GLIS1: variants seen among roughly 807,000 people sequenced by gnomAD.
GLIS1 encodes the protein zinc finger protein GLIS1.
GLIS1 carries 24 observed loss-of-function variants against 63.8 expected under a neutral mutation model. That is an observed-to-expected ratio of 0.38 (90% confidence interval 0.27 to 0.53). The LOEUF is 0.53. GLIS1 is among the 20% of genes least tolerant of loss of function. GLIS1 has a pLI of 0.85. For synonymous variants in GLIS1, 450 were observed against 482.5 expected, an observed-to-expected ratio of 0.93 and a Z score of 0.88; for missense variants, 1,036 against 1,074.1, an observed-to-expected ratio of 0.96 and a Z score of 0.50.
At chr1:53,686,402 C>T (rs1646337624) in intron 2 of GLIS1, among the ~76,000 whole-genome samples, 1 of 152,204 alleles carries the variant, frequency 6.6e-6, no homozygotes, top group Non-Finnish European at 1.5e-5. Context: ...TTGCTTTGTT[C>T]TCATCCGCAG....
At chr1:53,529,692 C>A (rs1487378216) in intron 5 of GLIS1, 99 bp downstream of exon 5, 1 of 1,245,418 alleles carries the variant, frequency 8.0e-7, no homozygotes, top group Non-Finnish European at 1.1e-6. Flanking sequence ...CCCCAAACAT[C>A]GGTGGGGCTA....
chr1:53,629,234 C>T (rs1645627011), intron 2 of GLIS1, among the ~76,000 whole-genome samples: 1 of 152,124 alleles, frequency 6.6e-6, no homozygotes, highest in African/African-American at 2.4e-5. Flanking sequence ...GCCTTTCTAC[C>T]CACTTTAACC....
chr1:53,621,754 C>T (rs533184086), intron 2 of GLIS1, among the ~76,000 whole-genome samples: 1 of 152,144 alleles, frequency 6.6e-6, no homozygotes, highest in African/African-American at 2.4e-5. Flanking sequence ...CTTCTTATTT[C>T]GTATTTGCTG....
Position 53,600,246 on chromosome 1 carries a change from A to G in GLIS1, c.292T>C (p.Ser98Pro). 8.1e-7 allele frequency: 1 copy of G among 1,232,120 alleles called. No individual in the cohort carries two copies. The highest frequency in any genetic ancestry group is 1.0e-6 in the Non-Finnish European group (1 of 987,964). The allele number at this position is 1,232,120 out of a possible 1,614,324, so 76.3% of individuals were successfully genotyped here. The change falls in exon 3 of 11, where the codon TCA becomes CCA. Residue 98 changes from serine (S) to proline (P), a missense_variant. Physicochemically the swap from Ser to Pro is moderately conservative, Grantham distance 74. Around this residue, in one of 3 missense-constraint regions of GLIS1, gnomAD observed 592 missense variants for 593.9 expected, o/e 1.00. Coordinates refer to ENST00000628545, the MANE Select transcript of GLIS1 (RefSeq NM_001367484.1). ...NGSYGHRTPG[S>P]EKSLLDLDLA... ...TCCAGGTCCAGCAGGCTCTTCTCTG[A>G]GCCCGGGGTACGGTGTCCGTAGCTC...
At chr1:53,530,004 C>T in intron 4 of GLIS1, 52 bp from the exon 5 acceptor site, 1 of 1,571,032 alleles carries the variant, frequency 6.4e-7, no homozygotes, top group Non-Finnish European at 8.7e-7. Flanking sequence ...CACCCCAACC[C>T]TGCATGGAAA....
intron 2 of GLIS1, among the ~76,000 whole-genome samples, chr1:53,602,731 G>T (rs1645330723): frequency 6.6e-6 from 1 of 152,170 alleles, no homozygotes; most frequent in Non-Finnish European, 1.5e-5. Context: ...TTGGGGGTCT[G>T]TAAGAAGCAG....
At chr1:53,685,667 T>C (rs1474570119) in intron 2 of GLIS1, among the ~76,000 whole-genome samples, 1 of 152,210 alleles carries the variant, frequency 6.6e-6, no homozygotes, top group Non-Finnish European at 1.5e-5. Flanking sequence ...CCTCCTTGCC[T>C]GTGACTGTCT....
At position 53,598,601 on chromosome 1, in the gene GLIS1, C is replaced by T. The variant is rs139976879; in HGVS notation, c.437+1500G>A. 2.6e-5 allele frequency among the ~76,000 whole-genome samples: 4 copies of T among 152,168 alleles called. No individual in the cohort carries two copies. Among genetic ancestry groups the T allele is most frequent in the Non-Finnish European group, 4.4e-5 (3 of 68,010 alleles). ...GCCACGTGAGTACTCAGCGACAAGG[C>T]GGTCATCTGCGAGCTAAGGAGAGAG... is the stretch of plus-strand genomic sequence containing the variant. On this transcript the variant is annotated intron_variant, in intron 3 of 10. Transcript: ENST00000628545. The surrounding 1 kb of genome is among the most constrained non-coding windows in gnomAD (Gnocchi z 4.6).
At chr1:53,726,442 G>GC (rs756343171) in intron 2 of GLIS1, among the ~76,000 whole-genome samples, 10 of 152,190 alleles carry the variant, frequency 6.6e-5, no homozygotes, top group Admixed American at 1.3e-4. Context: ...TTACTGCAGG[G>GC]CCAGGCAGGC....
intron 1 of GLIS1, among the ~76,000 whole-genome samples, chr1:53,738,449 G>C: frequency 6.6e-6 from 1 of 152,142 alleles, no homozygotes. Flanking sequence ...CGCCTGTTCC[G>C]CGTCCCCCAG....
chr1:53,705,310 A>C (rs188628155), intron 2 of GLIS1, among the ~76,000 whole-genome samples: 21 of 152,328 alleles, frequency 1.4e-4, no homozygotes, highest in Non-Finnish European at 2.8e-4. Context: ...GCTGACTCCA[A>C]AGGCAGCGTC....
intron 2 of GLIS1, among the ~76,000 whole-genome samples, chr1:53,666,764 G>A (rs558370481): frequency 1.6e-4 from 24 of 152,106 alleles, no homozygotes; most frequent in Non-Finnish European, 2.2e-4. Context: ...CCTTCCCATC[G>A]GCAGGTCTGT....
At chr1:53,734,479 C>A (rs1032806218) in intron 2 of GLIS1, among the ~76,000 whole-genome samples, 1 of 152,186 alleles carries the variant, frequency 6.6e-6, no homozygotes. Context: ...AGTTGTGGAA[C>A]CAGAATCAAA....
chr1:53,729,586 AG>A (rs1646839390), intron 2 of GLIS1, among the ~76,000 whole-genome samples: 1 of 151,416 alleles, frequency 6.6e-6, no homozygotes, highest in African/African-American at 2.4e-5. Flanking sequence ...CAGCACATAA[AG>A]CAACTTATTT....
At chr1:53,573,835 C>T (rs903431633) in intron 4 of GLIS1, among the ~76,000 whole-genome samples, 8 of 152,198 alleles carry the variant, frequency 5.3e-5, no homozygotes, top group Admixed American at 2.6e-4. Flanking sequence ...AACATCCCTT[C>T]GGAGTGGCTC....
intron 2 of GLIS1, among the ~76,000 whole-genome samples, chr1:53,679,428 G>A (rs561462203): frequency 1.3e-5 from 2 of 152,208 alleles, no homozygotes; most frequent in Admixed American, 6.5e-5. Flanking sequence ...GAGGCTGAAC[G>A]TCTGACCTGA....
chr1:53,693,028 C>T (rs1646423825), intron 2 of GLIS1, among the ~76,000 whole-genome samples: 2 of 152,214 alleles, frequency 1.3e-5, no homozygotes, highest in Admixed American at 1.3e-4. Flanking sequence ...GTATGTCCCT[C>T]ACAGGTGCAC....
At position 53,728,833 on chromosome 1, in the gene GLIS1, C is replaced by T. The variant is rs998920211; in HGVS notation, c.259+8973G>A. 1.2e-4 allele frequency among the ~76,000 whole-genome samples: 18 copies of T among 152,322 alleles called. No homozygotes were observed. The East Asian group carries it at 3.1e-3, about 26-fold the overall frequency. On this transcript the variant is annotated intron_variant, in intron 2 of 10. Transcript: ENST00000628545. ...ACATCAGCAAGAGATGGAACTGGCCCGGCACAAAGGCCTTGAATGCCAGAT... is the reference window on the plus strand; with the variant it reads ...ACATCAGCAAGAGATGGAACTGGCCTGGCACAAAGGCCTTGAATGCCAGAT...
intron 2 of GLIS1, among the ~76,000 whole-genome samples, chr1:53,626,839 A>G (rs1409205746): frequency 6.6e-6 from 1 of 152,248 alleles, no homozygotes; most frequent in Non-Finnish European, 1.5e-5. Context: ...TGTGGCTGAC[A>G]TGCCCCTGCA....
Sources: gnomAD v4.1 joint callset for allele counts (sites outside exome capture counted in the v4.1 genomes callset) on GRCh38, gnomAD v4.1.1 for gene constraint, gnomAD v4.1.1 regional missense constraint, Gnocchi (gnomAD v3.1) non-coding constraint, MANE v1.5 for transcripts, NCBI Gene and HGNC (gene_info 2026-07-23, HGNC 2026-07-21) for gene names.